Variants in TRIM6 observed in about 807,000 individuals in gnomAD.
TRIM6 encodes the protein tripartite motif containing 6.
A neutral mutation model predicts 51.2 loss-of-function variants in TRIM6; 43 were observed. That is an observed-to-expected ratio of 0.84 (90% confidence interval 0.66 to 1.08). The LOEUF is 1.08. Ranked by LOEUF, TRIM6 falls within the 50% of genes least tolerant of loss-of-function variation. The pLI is 0.00. For missense variants in TRIM6, 669 were observed against 619.0 expected (o/e 1.08, Z -0.86); for synonymous variants, 215 against 232.4 (o/e 0.93, Z 0.68).
rs916826784 is a variant in TRIM6 at position 5,612,908 on chromosome 11, A to G, written c.*1566A>G. ...TTTTCCTTTGTGTATTGCAATGATA[A>G]TATGTTGGCTCTATTGGATTAAATA... On this transcript the variant is annotated 3_prime_UTR_variant, in exon 8 of 8. Coordinates refer to ENST00000380097, the MANE Select transcript of TRIM6 (RefSeq NM_001003818.3). 2.0e-5 allele frequency: 3 copies of G among 152,214 alleles called. No individual in the cohort carries two copies. The highest frequency in any genetic ancestry group is 2.9e-5 in the Non-Finnish European group (2 of 68,042). 9.4% of individuals were successfully genotyped at this position (152,214 alleles called of 1,614,324 possible). A position where few individuals can be genotyped will look rare whatever the true frequency, so the allele number is the denominator to read the frequency against.
At chr11:5,599,816 C>T (rs995704091) in intron 1 of TRIM6, among the ~76,000 whole-genome samples, 6 of 152,168 alleles carry the variant, frequency 3.9e-5, no homozygotes, top group Admixed American at 3.9e-4. Flanking sequence ...AATTTTCAAT[C>T]CATTATAAAG....
Position 5,603,468 on chromosome 11 carries a change from G to A in TRIM6, c.240G>A (p.Gly80=), listed in dbSNP as rs781714929. The change falls in exon 2 of 8, where the codon GGG becomes GGA. Residue 80 remains glycine (G), a synonymous_variant. Coordinates refer to ENST00000380097, the MANE Select transcript of TRIM6 (RefSeq NM_001003818.3). ...NGRESVIGQE[G]ERSCPVCQTS... ...GGGAATCAGTGATTGGTCAAGAAGG[G>A]GAAAGAAGCTGCCCTGTGTGCCAGA... 4 of 1,614,138 alleles carry A rather than the reference G, an allele frequency of 2.5e-6. No individual in the cohort carries two copies. The highest frequency in any genetic ancestry group is 4.5e-5 in the East Asian group (2 of 44,858).
chr11:5,609,749 T>C (rs145542753), intron 5 of TRIM6, among the ~76,000 whole-genome samples: 337 of 152,174 alleles, frequency 2.2e-3, no homozygotes, highest in Non-Finnish European at 3.9e-3. Flanking sequence ...GATGAAACCC[T>C]ATCTCTACTA....
chr11:5,602,542 T>C (rs778097575), intron 1 of TRIM6, among the ~76,000 whole-genome samples: 12 of 151,860 alleles, frequency 7.9e-5, no homozygotes, highest in Non-Finnish European at 1.5e-4. Flanking sequence ...AGCTAGTAAG[T>C]CATGCAGATA....
At chr11:5,604,372 C>T (rs999913266) in intron 2 of TRIM6, among the ~76,000 whole-genome samples, 162 bp from the exon 3 acceptor site, 1 of 152,104 alleles carries the variant, frequency 6.6e-6, no homozygotes, top group Non-Finnish European at 1.5e-5. Context: ...GTTTTCATCC[C>T]ATGTATATAT....
intron 3 of TRIM6, 107 bp downstream of exon 3, chr11:5,604,736 A>T (rs1848102207): frequency 8.2e-7 from 1 of 1,214,904 alleles, no homozygotes; most frequent in Admixed American, 2.7e-5. Context: ...TGCCATGACT[A>T]GAAGAGCTTC....
In TRIM6 at chr11:5,596,646, TG is replaced by T; in HGVS notation, c.-249del. 2.1e-6 allele frequency: 1 copy of T among 469,046 alleles called. No homozygotes were observed. The highest frequency in any genetic ancestry group is 3.7e-6 in the Non-Finnish European group (1 of 267,876). The allele number at this position is 469,046 out of a possible 1,614,324, so 29.1% of individuals were successfully genotyped here. On this transcript the variant is annotated 5_prime_UTR_variant, in exon 1 of 8. Transcript: ENST00000380097. ...CGGCCCGACTCCTCCCAGAAGGAGT[TG>T]GGAGATGAGCCTTCCGCAAACTCCT... is the stretch of plus-strand genomic sequence containing the variant.
chr11:5,604,775 T>C, intron 3 of TRIM6, 146 bp downstream of exon 3: 1 of 759,028 alleles, frequency 1.3e-6, no homozygotes, highest in Non-Finnish European at 2.0e-6. Flanking sequence ...CTATATTCCT[T>C]CCAAACAGGG....
At chr11:5,607,541 A>C (rs1288023825) in intron 4 of TRIM6, among the ~76,000 whole-genome samples, 1 of 152,230 alleles carries the variant, frequency 6.6e-6, no homozygotes, top group Non-Finnish European at 1.5e-5. Flanking sequence ...CAAGATAAAA[A>C]GACCAAATAG....
intron 4 of TRIM6, among the ~76,000 whole-genome samples, chr11:5,606,185 C>G (rs1450341908): frequency 1.3e-5 from 2 of 152,142 alleles, no homozygotes; most frequent in African/African-American, 2.4e-5. Context: ...TATTACCAGC[C>G]CTTCTTTGTT....
intron 1 of TRIM6, among the ~76,000 whole-genome samples, chr11:5,598,611 T>G (rs1384289481): frequency 1.3e-5 from 2 of 152,202 alleles, no homozygotes; most frequent in African/African-American, 4.8e-5. Context: ...AATAAGATCC[T>G]TTAACTTTTT....
intron 1 of TRIM6, among the ~76,000 whole-genome samples, chr11:5,600,524 C>G (rs1341277808): frequency 2.6e-5 from 4 of 152,126 alleles, no homozygotes; most frequent in African/African-American, 9.7e-5. Flanking sequence ...CTTATGCTTA[C>G]ATCCCATGAC....
intron 1 of TRIM6, among the ~76,000 whole-genome samples, chr11:5,601,745 A>G (rs1488801487): frequency 6.6e-6 from 1 of 152,128 alleles, no homozygotes; most frequent in Non-Finnish European, 1.5e-5. Flanking sequence ...GCGATAGAGC[A>G]AGACTCAGTT....
intron 5 of TRIM6, among the ~76,000 whole-genome samples, chr11:5,608,728 C>T (rs1275858210): frequency 2.6e-5 from 4 of 151,892 alleles, no homozygotes; most frequent in Admixed American, 6.6e-5. Context: ...GTTGCAGTAT[C>T]AGTGACTCCC....
chr11:5,601,629 T>A (rs1328059928), intron 1 of TRIM6, among the ~76,000 whole-genome samples: 1 of 151,934 alleles, frequency 6.6e-6, no homozygotes, highest in Admixed American at 6.6e-5. Context: ...ATGGTGGCGC[T>A]CACCTGTAAT....
At position 5,612,693 on chromosome 11, in the gene TRIM6, T is replaced by C. The variant is rs151276970; in HGVS notation, c.*1351T>C. 1 of 152,282 alleles carries C rather than the reference T, an allele frequency of 6.6e-6. No individual in the cohort carries two copies. The highest frequency in any genetic ancestry group is 2.4e-5 in the African/African-American group (1 of 41,554). The allele number at this position is 152,282 out of a possible 1,614,324, so 9.4% of individuals were successfully genotyped here. A position where few individuals can be genotyped will look rare whatever the true frequency, so the allele number is the denominator to read the frequency against. ...GCTATAAAAGAAATTAAGAGGTACA[T>C]GTGAGGGTAGAAACAAATATCAAGG... On this transcript the variant is annotated 3_prime_UTR_variant, in exon 8 of 8. Transcript: ENST00000380097.
intron 1 of TRIM6, among the ~76,000 whole-genome samples, chr11:5,599,355 A>G (rs927249236): frequency 5.3e-5 from 8 of 151,548 alleles, no homozygotes; most frequent in African/African-American, 1.7e-4. Flanking sequence ...TGGACTTTCA[A>G]TTAAAATATA....
In TRIM6 at chr11:5,612,503, G is replaced by A. The variant is rs1223696619; in HGVS notation, c.*1161G>A. On this transcript the variant is annotated 3_prime_UTR_variant, in exon 8 of 8. Transcript: ENST00000380097. ...CAATCCAATACATATTTTTCTCTCA[G>A]AATAGAAAGAAAACACAAAGAGAAA... The A allele has an allele frequency of 1.3e-5, 2 of 152,174 alleles. No homozygotes were observed. The highest frequency in any genetic ancestry group is 2.9e-5 in the Non-Finnish European group (2 of 68,026). 9.4% of individuals were successfully genotyped at this position (152,174 alleles called of 1,614,324 possible). A position where few individuals can be genotyped will look rare whatever the true frequency, so the allele number is the denominator to read the frequency against.
intron 6 of TRIM6, 31 bp downstream of exon 6, chr11:5,610,276 G>A: frequency 6.2e-7 from 1 of 1,613,676 alleles, no homozygotes; most frequent in East Asian, 2.2e-5. Flanking sequence ...GAGTTTGGAT[G>A]TGAAATTACT....
Sources: allele counts gnomAD v4.1 joint callset (sites outside exome capture counted in the v4.1 genomes callset), GRCh38; gene constraint gnomAD v4.1.1; transcripts MANE v1.5; gene names NCBI Gene and HGNC (gene_info 2026-07-23, HGNC 2026-07-21).